ACER1: variants seen among roughly 807,000 people sequenced by gnomAD.
ACER1 encodes alkaline ceramidase 1, also known as CTB-180A7.3.
In ACER1, 28 loss-of-function variants were observed where a neutral mutation model predicts 24.9. That is an observed-to-expected ratio of 1.13 (90% CI 0.83 to 1.54). The LOEUF (loss-of-function observed/expected upper bound fraction) is 1.54, where lower values mean the gene tolerates loss of function less well. Ranked by LOEUF, ACER1 falls within the 40% of genes most tolerant of loss-of-function variation. ACER1 has a pLI of 0.00. For synonymous variants in ACER1, 132 were observed against 131.4 expected (o/e 1.00, Z -0.03); for missense variants, 352 against 349.3 (o/e 1.01, Z -0.06).
intron 1 of ACER1, among the ~76,000 whole-genome samples, chr19:6,319,854 G>A (rs1000480610): frequency 6.6e-6 from 1 of 152,098 alleles, no homozygotes; most frequent in Non-Finnish European, 1.5e-5. Flanking sequence ...GCTCATGTCT[G>A]TAATCCCAGC....
intron 3 of ACER1, among the ~76,000 whole-genome samples, chr19:6,310,379 G>A (rs904549554): frequency 6.6e-6 from 1 of 151,984 alleles, no homozygotes; most frequent in African/African-American, 2.4e-5. Flanking sequence ...GAGTCACTGC[G>A]CCTGGCCCTG....
chr19:6,343,147 T>C, the ACER1 span, among the ~76,000 whole-genome samples: 2 of 152,172 alleles, frequency 1.3e-5, no homozygotes, highest in Admixed American at 6.6e-5. Flanking sequence ...GGTGGAAATA[T>C]GAAGAGGCCA....
chr19:6,347,109 A>AAAAAATAT, the ACER1 span, among the ~76,000 whole-genome samples: 67 of 113,766 alleles, frequency 5.9e-4, no homozygotes, highest in African/African-American at 3.0e-3. Context: ...AAAAAAAAAA[A>AAAAAATAT]ATATATATAT....
the ACER1 span, among the ~76,000 whole-genome samples, chr19:6,352,399 CA>C: frequency 6.6e-6 from 1 of 152,100 alleles, no homozygotes; most frequent in African/African-American, 2.4e-5. Flanking sequence ...TGAGGGAGCC[CA>C]AACAGCCATG....
At chr19:6,354,360 G>C in the ACER1 span, among the ~76,000 whole-genome samples, 9,053 of 152,044 alleles carry the variant, frequency 0.06, 392 homozygotes, top group African/African-American at 0.12. Flanking sequence ...CTGTTATCGA[G>C]TGGGTGGAGG....
the ACER1 span, among the ~76,000 whole-genome samples, chr19:6,358,704 C>T: frequency 1.8e-4 from 27 of 151,256 alleles, no homozygotes; most frequent in Admixed American, 4.0e-4. Context: ...GAGGCTGAGG[C>T]GGGTGGATCA....
chr19:6,312,060 G>T (rs374557045), intron 3 of ACER1, 89 bp downstream of exon 3: 2 of 1,493,862 alleles, frequency 1.3e-6, no homozygotes, highest in African/African-American at 1.4e-5. Flanking sequence ...AGGGTCAAGG[G>T]TGGGGACCCA....
intron 4 of ACER1, 27 bp downstream of exon 4, chr19:6,309,670 G>A: frequency 6.2e-7 from 1 of 1,613,270 alleles, no homozygotes; most frequent in South Asian, 1.1e-5. Context: ...GGAGCCTCCT[G>A]CCCAGGCACC....
At chr19:6,344,281 T>C in the ACER1 span, among the ~76,000 whole-genome samples, 1 of 150,680 alleles carries the variant, frequency 6.6e-6, no homozygotes, top group South Asian at 2.1e-4. Context: ...AATATATATA[T>C]AAATATATAT....
At chr19:6,339,624 A>G in the ACER1 span, among the ~76,000 whole-genome samples, 9 of 152,254 alleles carry the variant, frequency 5.9e-5, no homozygotes, top group African/African-American at 2.2e-4. Flanking sequence ...CGTGTTATGT[A>G]TCTTTTACCA....
At chr19:6,355,303 G>A in the ACER1 span, among the ~76,000 whole-genome samples, 1 of 150,758 alleles carries the variant, frequency 6.6e-6, no homozygotes, top group Non-Finnish European at 1.5e-5. Flanking sequence ...GACGTGAGGA[G>A]CCCCTCTGCC....
chr19:6,311,961 G>T (rs1380735932), intron 3 of ACER1, among the ~76,000 whole-genome samples, 188 bp downstream of exon 3: 1 of 152,106 alleles, frequency 6.6e-6, no homozygotes, highest in Non-Finnish European at 1.5e-5. Context: ...GGTAAGCTCA[G>T]GGGAGGGGTC....
the ACER1 span, among the ~76,000 whole-genome samples, chr19:6,348,124 C>T: frequency 2.0e-5 from 3 of 151,382 alleles, no homozygotes; most frequent in East Asian, 2.0e-4. Flanking sequence ...TACCTACACA[C>T]GTATTTAAAG....
upstream of ACER1, among the ~76,000 whole-genome samples, chr19:6,338,312 C>T (rs368890452): frequency 1.3e-4 from 19 of 151,980 alleles, no homozygotes; most frequent in East Asian, 2.9e-3. Context: ...GTAAGTGTTA[C>T]AATTGTGGTT....
chr19:6,357,230 T>A, the ACER1 span, among the ~76,000 whole-genome samples: 3 of 151,782 alleles, frequency 2.0e-5, no homozygotes, highest in Non-Finnish European at 4.4e-5. Flanking sequence ...TATTTTTAGT[T>A]GAGACGGGGT....
chr19:6,319,159 G>C (rs946897480), intron 1 of ACER1, among the ~76,000 whole-genome samples: 2 of 152,166 alleles, frequency 1.3e-5, no homozygotes, highest in Non-Finnish European at 2.9e-5. Flanking sequence ...GTTATTCCAA[G>C]CTTAGGGGCC....
the ACER1 span, among the ~76,000 whole-genome samples, chr19:6,346,006 G>A: frequency 2.2e-4 from 33 of 152,026 alleles, no homozygotes; most frequent in Non-Finnish European, 4.0e-4. Flanking sequence ...GGGATTCCAG[G>A]CGTGAGCCAC....
intron 3 of ACER1, among the ~76,000 whole-genome samples, chr19:6,310,818 C>T (rs188887447): frequency 6.7e-6 from 1 of 149,616 alleles, no homozygotes; most frequent in Admixed American, 6.7e-5. Context: ...TTGGAGGTTG[C>T]AGCAAGCTAA....
At chr19:6,308,161 G>A (rs920443257) in intron 4 of ACER1, among the ~76,000 whole-genome samples, 10 of 151,954 alleles carry the variant, frequency 6.6e-5, no homozygotes, top group East Asian at 3.9e-4. Flanking sequence ...TCAGCTGGGC[G>A]CGGCGGCTCA....
Sources: allele counts gnomAD v4.1 joint callset (sites outside exome capture counted in the v4.1 genomes callset), GRCh38; gene constraint gnomAD v4.1.1; transcripts MANE v1.5; gene names NCBI Gene and HGNC (gene_info 2026-07-23, HGNC 2026-07-21).